CCDC178: variants seen among roughly 807,000 people sequenced by gnomAD.
The protein encoded by CCDC178 is coiled-coil domain containing 178, also known as coiled-coil domain-containing protein 178.
A neutral mutation model predicts 117.4 loss-of-function variants in CCDC178; 126 were observed. The observed-to-expected ratio is 1.07, with a 90% CI of 0.93 to 1.24. CCDC178 has a LOEUF of 1.24. Ranked by LOEUF, CCDC178 falls within the 50% of genes most tolerant of loss-of-function variation. The pLI is 0.00. For missense variants in CCDC178, 1,030 were observed against 986.9 expected (o/e 1.04, Z -0.59); for synonymous variants, 283 against 313.4 (o/e 0.90, Z 1.02).
At chr18:33,179,112 C>CTATATATATA (rs554694009) in intron 20 of CCDC178, among the ~76,000 whole-genome samples, 4 of 43,514 alleles carry the variant, frequency 9.2e-5, no homozygotes, top group South Asian at 6.5e-4. Context: ...TATATATAAA[C>CTATATATATA]TATATATATA....
At position 33,438,543 on chromosome 18, in the gene CCDC178, AACACAC is replaced by A. The variant is rs139786250; in HGVS notation, c.-23+1413_-23+1418del. ...TACACACACACACACACACACGGCA[AACACAC>A]ACACACACACACACACAATTTGTGT... On this transcript the variant is annotated intron_variant, in intron 2 of 22. Transcript: ENST00000383096. 2.1e-3 allele frequency among the ~76,000 whole-genome samples: 314 copies of A among 148,478 alleles called. 1 individual carries two copies. Among genetic ancestry groups the A allele is most frequent in the African/African-American group, 7.2e-3 (292 of 40,400 alleles).
intron 21 of CCDC178, among the ~76,000 whole-genome samples, chr18:33,015,500 G>A (rs1171118170): frequency 6.6e-6 from 1 of 152,092 alleles, no homozygotes; most frequent in African/African-American, 2.4e-5. Flanking sequence ...GGGAGGCGGA[G>A]CTTGCAGTGA....
chr18:33,385,529 A>C (rs922329294), intron 5 of CCDC178, among the ~76,000 whole-genome samples: 2 of 152,214 alleles, frequency 1.3e-5, no homozygotes, highest in African/African-American at 4.8e-5. Context: ...ACCACAGTAC[A>C]ATCAAATTAG....
chr18:33,079,217 T>C (rs2057260004), intron 21 of CCDC178, among the ~76,000 whole-genome samples: 1 of 152,132 alleles, frequency 6.6e-6, no homozygotes, highest in African/African-American at 2.4e-5. Context: ...GATAACTGGC[T>C]AGAAATATGC....
intron 21 of CCDC178, among the ~76,000 whole-genome samples, chr18:33,089,548 A>G (rs2057431571): frequency 6.6e-6 from 1 of 152,156 alleles, no homozygotes; most frequent in South Asian, 2.1e-4. Flanking sequence ...CTTAGTTTGA[A>G]AGCACTGAGA....
At chr18:32,971,115 C>T (rs1403664490) in intron 22 of CCDC178, among the ~76,000 whole-genome samples, 1 of 151,912 alleles carries the variant, frequency 6.6e-6, no homozygotes, top group Non-Finnish European at 1.5e-5. Context: ...GTCAACCCAT[C>T]ATCTAGGTTT....
chr18:33,430,578 A>T (rs1031755177), intron 2 of CCDC178, among the ~76,000 whole-genome samples: 4 of 152,084 alleles, frequency 2.6e-5, no homozygotes, highest in African/African-American at 9.7e-5. Context: ...TGTGATCCAG[A>T]TGGTAAAGCT....
chr18:32,989,700 A>C (rs563627585), intron 21 of CCDC178, among the ~76,000 whole-genome samples: 2 of 152,286 alleles, frequency 1.3e-5, no homozygotes, highest in Admixed American at 6.5e-5. Flanking sequence ...TAATATAAAA[A>C]CCATTTTTAG....
chr18:33,395,265 A>G (rs1173959768), intron 4 of CCDC178, among the ~76,000 whole-genome samples: 24 of 151,878 alleles, frequency 1.6e-4, no homozygotes, highest in Admixed American at 1.4e-3. Context: ...ACTTCTTATA[A>G]TACATTTAAA....
chr18:33,016,199 T>C (rs1021953281), intron 21 of CCDC178, among the ~76,000 whole-genome samples: 1 of 152,028 alleles, frequency 6.6e-6, no homozygotes, highest in Non-Finnish European at 1.5e-5. Context: ...TTAGAAATCA[T>C]GAAGGCCTGA....
chr18:33,333,363 T>C lies in CCDC178; in HGVS notation c.690A>G (p.Glu230=). ...CTTTATCTTCAAGATGCCATTGTAA[T>C]TCTATAACATCACTCAAATAGGCCT... ...EHEAYLSDVI[E]LQWHLEDKAN... is the part of the protein sequence containing the mutation. Residue 230 remains glutamate, a synonymous_variant, in exon 10 of 23, where the codon GAA becomes GAG. Transcript: ENST00000383096. 6.2e-7 allele frequency: 1 copy of C among 1,609,582 alleles called. No individual in the cohort carries two copies. Among genetic ancestry groups the C allele is most frequent in the Non-Finnish European group, 8.5e-7 (1 of 1,177,786 alleles).
intron 12 of CCDC178, among the ~76,000 whole-genome samples, chr18:33,272,991 A>T (rs2059907653): frequency 6.6e-6 from 1 of 151,202 alleles, no homozygotes; most frequent in African/African-American, 2.4e-5. Context: ...ATTTGCTCTT[A>T]TTGTCTTTTT....
intron 20 of CCDC178, among the ~76,000 whole-genome samples, chr18:33,121,544 C>A (rs938101403): frequency 6.6e-6 from 1 of 152,122 alleles, no homozygotes; most frequent in African/African-American, 2.4e-5. Context: ...GCTTCTTGGG[C>A]TGAACCCTCA....
At chr18:33,128,629 T>A (rs1214574450) in intron 20 of CCDC178, among the ~76,000 whole-genome samples, 2 of 152,184 alleles carry the variant, frequency 1.3e-5, no homozygotes, top group African/African-American at 4.8e-5. Flanking sequence ...CCTTTTTATT[T>A]AATTACTTCC....
At chr18:33,184,584 T>C (rs1365638296) in intron 20 of CCDC178, among the ~76,000 whole-genome samples, 2 of 152,020 alleles carry the variant, frequency 1.3e-5, no homozygotes, top group Non-Finnish European at 2.9e-5. Context: ...AAGTTTAAAA[T>C]AGAAAGTTGC....
chr18:33,199,452 T>A (rs999653024), intron 20 of CCDC178, among the ~76,000 whole-genome samples: 1 of 152,194 alleles, frequency 6.6e-6, no homozygotes, highest in South Asian at 2.1e-4. Flanking sequence ...TACTTCAGTA[T>A]CTATTGTGAT....
chr18:32,962,111 CACTT>C (rs1445242904), intron 22 of CCDC178, among the ~76,000 whole-genome samples: 3 of 151,746 alleles, frequency 2.0e-5, no homozygotes, highest in Non-Finnish European at 4.4e-5. Context: ...ATACATCTCT[CACTT>C]AGTCTCCATG....
chr18:33,289,848 T>A (rs72948819), intron 12 of CCDC178, among the ~76,000 whole-genome samples: 9,141 of 152,106 alleles, frequency 0.06, 414 homozygotes, highest in East Asian at 0.13. Flanking sequence ...GATCACAAAA[T>A]CCCTAAACTG....
intron 20 of CCDC178, among the ~76,000 whole-genome samples, chr18:33,132,899 A>G (rs1023458923): frequency 6.6e-6 from 1 of 151,840 alleles, no homozygotes. Context: ...AAAACTTTGC[A>G]ACAGATTTCG....
Sources: gnomAD v4.1 joint callset for allele counts (sites outside exome capture counted in the v4.1 genomes callset) on GRCh38, gnomAD v4.1.1 for gene constraint, MANE v1.5 for transcripts, NCBI Gene and HGNC (gene_info 2026-07-23, HGNC 2026-07-21) for gene names.